Variants in RANBP2 observed in about 807,000 individuals in gnomAD.
RANBP2 encodes the protein E3 SUMO-protein ligase RanBP2.
RANBP2 carries 57 observed loss-of-function variants against 303.6 expected under a neutral mutation model. The ratio of observed to expected loss-of-function variants is 0.19; its 90% CI spans 0.15 to 0.23. The LOEUF (loss-of-function observed/expected upper bound fraction) is 0.23. Ranked by LOEUF, RANBP2 falls within the 10% of genes least tolerant of loss-of-function variation. RANBP2 has a pLI of 1.00. For missense variants in RANBP2, 3,138 were observed against 3,780.8 expected (o/e 0.83, Z 4.46); for synonymous variants, 1,167 against 1,301.5 (o/e 0.90, Z 2.23).
At chr2:108,868,579 G>C in the RANBP2 span, among the ~76,000 whole-genome samples, 1 of 152,096 alleles carries the variant, frequency 6.6e-6, no homozygotes, top group Non-Finnish European at 1.5e-5. Flanking sequence ...GCCTTTCATT[G>C]CTGGCAGGGT....
the RANBP2 span, among the ~76,000 whole-genome samples, chr2:109,056,878 A>C: frequency 6.6e-6 from 1 of 152,342 alleles, no homozygotes; most frequent in Non-Finnish European, 1.5e-5. Flanking sequence ...ACCAAAGTGA[A>C]GGCTCACAGT....
the RANBP2 span, chr2:109,432,409 T>C: frequency 1.3e-6 from 2 of 1,515,088 alleles, no homozygotes; most frequent in Non-Finnish European, 1.8e-6. Context: ...TAGGTTGGGT[T>C]CCTCCAAAGA....
chr2:109,584,068 T>C, the RANBP2 span, among the ~76,000 whole-genome samples: 2 of 152,150 alleles, frequency 1.3e-5, no homozygotes, highest in Non-Finnish European at 2.9e-5. Context: ...ATTGGATCAC[T>C]TGTACCCCAA....
chr2:108,918,701 C>T, the RANBP2 span, among the ~76,000 whole-genome samples: 1 of 152,322 alleles, frequency 6.6e-6, no homozygotes, highest in East Asian at 1.9e-4. Flanking sequence ...GAGCCAGAAG[C>T]ACATGGCTGG....
At chr2:109,147,674 C>G in the RANBP2 span, among the ~76,000 whole-genome samples, 1 of 152,268 alleles carries the variant, frequency 6.6e-6, no homozygotes, top group Admixed American at 6.5e-5. Flanking sequence ...CATGAAGTGA[C>G]CTTTCTTGTA....
At chr2:108,786,891 ACTCGGGGGCAG>A (rs1277781623), downstream of RANBP2, 1 of 1,557,116 alleles carries the variant, frequency 6.4e-7, no homozygotes, top group South Asian at 1.2e-5. Context: ...GCCGCTACGG[ACTCGGGGGCAG>A]CTGCCCCGAC....
the RANBP2 span, among the ~76,000 whole-genome samples, chr2:109,243,757 G>A: frequency 1.3e-5 from 2 of 152,322 alleles, no homozygotes; most frequent in Non-Finnish European, 2.9e-5. Flanking sequence ...GGGGTGGCCC[G>A]AGTGGTTTTG....
chr2:109,280,315 A>C, the RANBP2 span, among the ~76,000 whole-genome samples: 36 of 152,288 alleles, frequency 2.4e-4, no homozygotes, highest in African/African-American at 8.2e-4. Flanking sequence ...AAGGAAACTG[A>C]GGCCCAGAGA....
chr2:109,614,939 C>G, the RANBP2 span: 1 of 1,514,328 alleles, frequency 6.6e-7, no homozygotes, highest in South Asian at 1.2e-5. Flanking sequence ...CCCTGAGCGC[C>G]GGGGCTCGCA....
At chr2:108,908,475 T>C in the RANBP2 span, among the ~76,000 whole-genome samples, 5 of 152,128 alleles carry the variant, frequency 3.3e-5, no homozygotes, top group African/African-American at 1.2e-4. Context: ...TCTGGAGTCA[T>C]TGAAAAGGGA....
the RANBP2 span, among the ~76,000 whole-genome samples, chr2:109,315,080 GCA>G: frequency 2.0e-5 from 3 of 152,226 alleles, no homozygotes; most frequent in African/African-American, 7.2e-5. Context: ...TTCCATCAGT[GCA>G]GAAAGTTCCA....
the RANBP2 span, among the ~76,000 whole-genome samples, chr2:108,905,840 A>G: frequency 1.3e-5 from 2 of 149,124 alleles, no homozygotes; most frequent in South Asian, 4.1e-4. Flanking sequence ...AGCCTGACTT[A>G]GCTCAGAAGG....
the RANBP2 span, among the ~76,000 whole-genome samples, chr2:109,415,603 G>A: frequency 6.6e-6 from 1 of 152,130 alleles, no homozygotes; most frequent in African/African-American, 2.4e-5. Context: ...GCAGGTCCTG[G>A]CTGTGGCTGC....
At chr2:108,736,076 G>T in intron 5 of RANBP2, 28 bp from the exon 6 acceptor site, 1 of 1,611,650 alleles carries the variant, frequency 6.2e-7, no homozygotes, top group East Asian at 2.2e-5. Flanking sequence ...ATTAAGTTTT[G>T]TAACTTACTG....
At chr2:109,614,021 T>C in the RANBP2 span, 1 of 1,205,156 alleles carries the variant, frequency 8.3e-7, no homozygotes, top group Non-Finnish European at 1.0e-6. Flanking sequence ...GCGGACGCCC[T>C]GTGGTGCGCG....
chr2:108,730,625 C>A lies in RANBP2; in HGVS notation c.141-149C>A, dbSNP rs1008569012. 3.9e-5 allele frequency: 44 copies of A among 1,122,898 alleles called. No homozygotes were observed. In the African/African-American group the frequency reaches 6.5e-4, roughly 16 times the overall value. 69.6% of individuals were successfully genotyped at this position (1,122,898 alleles called of 1,614,324 possible). A position where few individuals can be genotyped will look rare whatever the true frequency, so the allele number is the denominator to read the frequency against. Reference sequence around the variant, plus strand: ...TAAGTATTATCTATTTCTATGAGTACTTCTGAGTTATCTGTATGAATAGCG... The same window carrying A: ...TAAGTATTATCTATTTCTATGAGTAATTCTGAGTTATCTGTATGAATAGCG... On this transcript the variant is annotated intron_variant, in intron 2 of 28. Transcript: ENST00000283195.
chr2:108,763,710 T>C lies in RANBP2; in HGVS notation c.3171T>C (p.Pro1057=). The change falls in exon 20 of 29, where the codon CCT becomes CCC. Residue 1057 remains proline, a synonymous_variant. Transcript: ENST00000283195. Reference sequence around the variant, plus strand: ...CACAGGTTGTGACACAGCCCCCTCCTGCAGCTTACAGTAACAGTGAAAGCC... The same window carrying C: ...CACAGGTTGTGACACAGCCCCCTCCCGCAGCTTACAGTAACAGTGAAAGCC... ...SSPQVVTQPP[P]AAYSNSESLL... is the part of the protein sequence containing the mutation. 1.2e-6 allele frequency: 2 copies of C among 1,614,108 alleles called. No individual in the cohort carries two copies. Among genetic ancestry groups the C allele is most frequent in the South Asian group, 2.2e-5 (2 of 91,082 alleles).
the RANBP2 span, chr2:108,896,638 G>A: frequency 2.1e-6 from 1 of 477,516 alleles, no homozygotes; most frequent in Non-Finnish European, 3.8e-6. Context: ...TTAATGGTGG[G>A]CTGGTGGGCT....
At chr2:108,733,034 G>C (rs887987294) in intron 4 of RANBP2, among the ~76,000 whole-genome samples, 7 of 151,988 alleles carry the variant, frequency 4.6e-5, no homozygotes, top group African/African-American at 1.7e-4. Flanking sequence ...ATGTTGGCCT[G>C]GCTGGTCTCG....
Sources: gnomAD v4.1 joint callset for allele counts (sites outside exome capture counted in the v4.1 genomes callset) on GRCh38, gnomAD v4.1.1 for gene constraint, MANE v1.5 for transcripts, NCBI Gene and HGNC (gene_info 2026-07-23, HGNC 2026-07-21) for gene names.